Variants in RCAN1 observed in about 807,000 individuals in gnomAD.
The protein encoded by RCAN1 is regulator of calcineurin 1.
Under a neutral mutation model 22.9 loss-of-function variants are expected in RCAN1, and 11 were observed. The observed-to-expected ratio is 0.48, with a 90% confidence interval of 0.30 to 0.79. RCAN1 has a LOEUF of 0.79. Ranked by LOEUF, RCAN1 falls within the 30% of genes least tolerant of loss-of-function variation. RCAN1 has a pLI of 0.06. For missense variants in RCAN1, 291 were observed against 337.8 expected (o/e 0.86, Z 1.09); for synonymous variants, 136 against 142.3 (o/e 0.96, Z 0.32).
intron 1 of RCAN1, among the ~76,000 whole-genome samples, chr21:34,548,742 A>G (rs934779555): frequency 4.6e-5 from 7 of 152,222 alleles, no homozygotes; most frequent in Non-Finnish European, 7.3e-5. Context: ...ATTAACTTCT[A>G]CATCTGTCAG....
chr21:34,521,722 A>T (rs568371423), intron 2 of RCAN1, 64 bp from the exon 3 acceptor site: 19 of 1,381,450 alleles, frequency 1.4e-5, no homozygotes, highest in Non-Finnish European at 1.9e-5. Context: ...AGGCAACAGC[A>T]CCTAACGCCA....
chr21:34,593,699 T>C lies in RCAN1; in HGVS notation c.252+21061A>G, dbSNP rs568121180. ...AGGTGTTGGGAGGTCGGGCTGAGGC[T>C]GTGGCTGCTGGGCCAGCTGATGCAT... On this transcript the variant is annotated intron_variant, in intron 1 of 3. Coordinates refer to ENST00000313806, the MANE Select transcript of RCAN1 (RefSeq NM_004414.7). 7.9e-4 allele frequency among the ~76,000 whole-genome samples: 121 copies of C among 152,322 alleles called. 2 individuals are homozygous for C. The highest frequency in any genetic ancestry group is 6.8e-3 in the Middle Eastern group (2 of 294).
At chr21:34,598,951 A>AT (rs936745272) in intron 1 of RCAN1, among the ~76,000 whole-genome samples, 8 of 152,100 alleles carry the variant, frequency 5.3e-5, no homozygotes, top group Non-Finnish European at 1.0e-4. Context: ...AGATGATACT[A>AT]TTTTACGTCT....
At chr21:34,588,751 T>C (rs1278362528) in intron 1 of RCAN1, among the ~76,000 whole-genome samples, 5 of 152,184 alleles carry the variant, frequency 3.3e-5, no homozygotes, top group African/African-American at 1.2e-4. Flanking sequence ...GCAGCATCCT[T>C]CAAAATAGCC....
chr21:34,611,725 T>C (rs1430077096), intron 1 of RCAN1, among the ~76,000 whole-genome samples: 1 of 152,180 alleles, frequency 6.6e-6, no homozygotes, highest in Non-Finnish European at 1.5e-5. Context: ...ACATTTACAT[T>C]ACATCATCCA....
Position 34,614,473 on chromosome 21 carries a change from C to A in RCAN1, c.252+287G>T, listed in dbSNP as rs1988763381. The A allele has an allele frequency of 1.1e-5, 11 of 1,024,818 alleles. No individual in the cohort carries two copies. The highest frequency in any genetic ancestry group is 1.0e-4 in the African/African-American group (6 of 58,198). 63.5% of individuals were successfully genotyped at this position (1,024,818 alleles called of 1,614,324 possible). A position where few individuals can be genotyped will look rare whatever the true frequency, so the allele number is the denominator to read the frequency against. On this transcript the variant is annotated intron_variant, in intron 1 of 3. Coordinates refer to ENST00000313806, the MANE Select transcript of RCAN1 (RefSeq NM_004414.7). This position sits in a 1 kb window ranked among gnomAD's most constrained non-coding sequence, Gnocchi z 6.0. ...GGCGGCGCTGCCCCACCTTGGGGAG[C>A]GAATTCACCCCCCTAGTCGCACCAG...
At chr21:34,562,876 T>C (rs1187977542) in intron 1 of RCAN1, among the ~76,000 whole-genome samples, 1 of 152,252 alleles carries the variant, frequency 6.6e-6, no homozygotes, top group Non-Finnish European at 1.5e-5. Context: ...TTATCTACGA[T>C]AATCAGAGAT....
intron 1 of RCAN1, among the ~76,000 whole-genome samples, chr21:34,560,813 TAAAG>T (rs1213747747): frequency 6.6e-6 from 1 of 152,068 alleles, no homozygotes; most frequent in Non-Finnish European, 1.5e-5. Context: ...AGTGGTCAAA[TAAAG>T]AAACAAAAGA....
chr21:34,567,207 C>A (rs1987047082), intron 1 of RCAN1, among the ~76,000 whole-genome samples: 3 of 152,098 alleles, frequency 2.0e-5, no homozygotes, highest in Admixed American at 2.0e-4. Flanking sequence ...TAAAAAGAAA[C>A]CCCCGAGGCT....
At chr21:34,554,988 C>A (rs193164797) in intron 1 of RCAN1, among the ~76,000 whole-genome samples, 142 of 152,320 alleles carry the variant, frequency 9.3e-4, no homozygotes, top group Non-Finnish European at 1.2e-3. Flanking sequence ...GGGTCCCTCC[C>A]ACAACACGTG....
chr21:34,577,141 T>C (rs1987434686), intron 1 of RCAN1, among the ~76,000 whole-genome samples: 1 of 152,182 alleles, frequency 6.6e-6, no homozygotes, highest in South Asian at 2.1e-4. Flanking sequence ...ACTGCACTAA[T>C]GAGCTGAGTG....
intron 1 of RCAN1, among the ~76,000 whole-genome samples, chr21:34,545,019 C>A (rs1986077383): frequency 6.6e-6 from 1 of 152,216 alleles, no homozygotes; most frequent in South Asian, 2.1e-4. Flanking sequence ...GTCATTTACT[C>A]CTCACCATCA....
intron 1 of RCAN1, among the ~76,000 whole-genome samples, chr21:34,612,833 C>G (rs1988718435): frequency 6.6e-6 from 1 of 152,210 alleles, no homozygotes. Flanking sequence ...TTGTTAGTTC[C>G]CTCAGGACTG....
intron 1 of RCAN1, among the ~76,000 whole-genome samples, chr21:34,589,828 A>T (rs955348915): frequency 3.9e-5 from 6 of 152,104 alleles, no homozygotes; most frequent in African/African-American, 1.4e-4. Context: ...AGGCCTTTGG[A>T]CTAGCCAGTC....
At position 34,554,784 on chromosome 21, in the gene RCAN1, G is replaced by A. The variant is rs114348234; in HGVS notation, c.253-31074C>T. ...AGGTTTAATGGACTCACAGTTCCAT[G>A]TAACTGGGAAAGCATCACTATCATG... On this transcript the variant is annotated intron_variant, in intron 1 of 3. Transcript: ENST00000313806. 9.1e-3 allele frequency among the ~76,000 whole-genome samples: 1,390 copies of A among 152,320 alleles called. 17 individuals carry two copies. Among genetic ancestry groups the A allele is most frequent in the African/African-American group, 0.032 (1,335 of 41,568 alleles).
intron 1 of RCAN1, among the ~76,000 whole-genome samples, chr21:34,582,465 G>T (rs1468409866): frequency 2.6e-5 from 4 of 152,128 alleles, no homozygotes; most frequent in African/African-American, 9.7e-5. Flanking sequence ...AGGAGTGAGG[G>T]AGTAAGCCAT....
intron 1 of RCAN1, among the ~76,000 whole-genome samples, chr21:34,580,332 T>C (rs907967454): frequency 2.0e-5 from 3 of 152,106 alleles, no homozygotes; most frequent in East Asian, 3.9e-4. Flanking sequence ...TCAGCGCAAA[T>C]GGAAAGAATG....
intron 1 of RCAN1, among the ~76,000 whole-genome samples, chr21:34,611,202 A>G (rs752888100): frequency 2.0e-5 from 3 of 152,206 alleles, no homozygotes; most frequent in African/African-American, 7.2e-5. Flanking sequence ...ACTGGTTCAA[A>G]GCATTTTGAA....
intron 1 of RCAN1, among the ~76,000 whole-genome samples, chr21:34,558,005 C>A (rs1986643686): frequency 6.6e-6 from 1 of 152,160 alleles, no homozygotes; most frequent in African/African-American, 2.4e-5. Flanking sequence ...TGAAATTGTA[C>A]CCAGCCTAAC....
Sources: gnomAD v4.1 joint callset for allele counts (sites outside exome capture counted in the v4.1 genomes callset) on GRCh38, gnomAD v4.1.1 for gene constraint, Gnocchi (gnomAD v3.1) non-coding constraint, MANE v1.5 for transcripts, NCBI Gene and HGNC (gene_info 2026-07-23, HGNC 2026-07-21) for gene names.